Variants in PCYT1B observed in about 807,000 individuals in gnomAD.
The protein encoded by PCYT1B is choline-phosphate cytidylyltransferase B.
A neutral mutation model predicts 26.4 loss-of-function variants in PCYT1B; 10 were observed. The observed-to-expected ratio is 0.38, with a 90% CI of 0.23 to 0.64. PCYT1B has a LOEUF of 0.64. Ranked by LOEUF, PCYT1B falls within the 30% of genes least tolerant of loss-of-function variation. PCYT1B has a pLI of 0.56. For missense variants in PCYT1B, 161 were observed against 292.7 expected, an observed-to-expected ratio of 0.55 and a Z score of 3.28; for synonymous variants, 131 against 108.4, an observed-to-expected ratio of 1.21 and a Z score of -1.29.
chrX:24,658,506 CTTTTTT>C (rs1203809740), intron 1 of PCYT1B, among the ~76,000 whole-genome samples: 1 of 58,859 alleles, frequency 1.7e-5, no homozygotes, highest in African/African-American at 6.2e-5. Flanking sequence ...TGTTTCATTG[CTTTTTT>C]TTTTTTTTTT....
At chrX:24,615,981 A>T (rs1184623340) in intron 2 of PCYT1B, among the ~76,000 whole-genome samples, 2 of 111,516 alleles carry the variant, frequency 1.8e-5, no homozygotes, top group Non-Finnish European at 3.8e-5. Context: ...GTCAACTAGG[A>T]CACTTGACAA....
upstream of PCYT1B, among the ~76,000 whole-genome samples, chrX:24,651,468 AAAAAATATATATATATATATAT>A (rs1449802589): frequency 1.8e-4 from 6 of 33,927 alleles, no homozygotes; most frequent in African/African-American, 4.9e-4. Flanking sequence ...AAAAAAAAAA[AAAAAATATATATATATATATAT>A]ATATATATAT....
At chrX:24,634,702 C>A (rs563966108) in intron 1 of PCYT1B, among the ~76,000 whole-genome samples, 1 of 111,654 alleles carries the variant, frequency 9.0e-6, no homozygotes, top group Non-Finnish European at 1.9e-5. Flanking sequence ...GCCAAGATCA[C>A]GCCACCGCAC....
intron 2 of PCYT1B, among the ~76,000 whole-genome samples, chrX:24,611,804 T>G (rs900595552): frequency 5.4e-5 from 6 of 110,213 alleles, no homozygotes; most frequent in African/African-American, 1.7e-4. Flanking sequence ...AAACTCCGTA[T>G]CTACTAAAAA....
Position 24,642,056 on chromosome X carries a change from C to T in PCYT1B, c.117+4933G>A, listed in dbSNP as rs756935299. On this transcript the variant is annotated intron_variant, in intron 1 of 7. Coordinates refer to ENST00000379144, the MANE Select transcript of PCYT1B (RefSeq NM_004845.5). ...CTTCCCCTCAATGGATAAAAAATAG[C>T]TTTTAAGAAAGTCTAATATGTTAAA... Among the ~76,000 whole-genome samples the T allele has an allele frequency of 4.4e-5, 5 of 113,166 alleles. No homozygotes were observed. The East Asian group carries it at 1.1e-3, about 25-fold the overall frequency.
In PCYT1B at chrX:24,619,123, A is replaced by G. The variant is rs7060747; in HGVS notation, c.118-39T>C. The G allele has an allele frequency of 6.4e-4, 642 of 1,006,995 alleles. 1 individual carries two copies. In the African/African-American group the frequency reaches 9.9e-3, roughly 16 times the overall value. 83.0% of individuals were successfully genotyped at this position (1,006,995 alleles called of 1,213,427 possible). On this transcript the variant is annotated intron_variant, in intron 1 of 7. Transcript: ENST00000379144. ...AAAGAAAGGGAATACAGTCTGACAA[A>G]CTTTCCTTTGGCACTAACTTCCTCT...
chrX:24,660,073 A>G (rs1317880218), intron 1 of PCYT1B, among the ~76,000 whole-genome samples: 1 of 111,608 alleles, frequency 9.0e-6, no homozygotes, highest in Non-Finnish European at 1.9e-5. Flanking sequence ...CCTGCTCCCT[A>G]AAGATTCTGA....
intron 5 of PCYT1B, among the ~76,000 whole-genome samples, chrX:24,583,436 A>G (rs866340885): frequency 4.9e-4 from 55 of 111,971 alleles, no homozygotes; most frequent in African/African-American, 1.6e-3. Context: ...CCCAAGCAAG[A>G]ACTACCCAGC....
chrX:24,647,640 G>A (rs894727739), upstream of PCYT1B, among the ~76,000 whole-genome samples: 1 of 112,469 alleles, frequency 8.9e-6, no homozygotes, highest in Non-Finnish European at 1.9e-5. Flanking sequence ...AAAGGACCAT[G>A]TCCCTGGGAT....
chrX:24,589,868 C>T (rs1480330749), intron 4 of PCYT1B, among the ~76,000 whole-genome samples, 155 bp downstream of exon 4: 2 of 111,337 alleles, frequency 1.8e-5, no homozygotes, highest in Non-Finnish European at 3.8e-5. Context: ...CGGGCTTGGG[C>T]GGACGAAAGG....
intron 1 of PCYT1B, among the ~76,000 whole-genome samples, chrX:24,654,474 G>T (rs1446602263): frequency 9.7e-6 from 1 of 103,302 alleles, no homozygotes; most frequent in African/African-American, 3.5e-5. Context: ...TTTATGGCGG[G>T]GTGGCGTGAC....
At chrX:24,573,043 TAC>T (rs1315708625) in intron 7 of PCYT1B, among the ~76,000 whole-genome samples, 4 of 105,991 alleles carry the variant, frequency 3.8e-5, no homozygotes, top group Admixed American at 1.0e-4. Flanking sequence ...TATATACATA[TAC>T]ACACACATAT....
chrX:24,671,851 G>A (rs945968792), intron 1 of PCYT1B, among the ~76,000 whole-genome samples: 1 of 111,763 alleles, frequency 8.9e-6, no homozygotes, highest in Admixed American at 9.5e-5. Context: ...TACATTCTCC[G>A]GGCACCCTCT....
chrX:24,571,045 A>G (rs1288383468), intron 7 of PCYT1B, among the ~76,000 whole-genome samples: 1 of 112,338 alleles, frequency 8.9e-6, no homozygotes, highest in Admixed American at 9.4e-5. Context: ...GTTTCATCGT[A>G]TAATTTTGTA....
Position 24,647,137 on chromosome X carries a change from C to T in PCYT1B, c.-32G>A, listed in dbSNP as rs757148622. 5 of 1,199,379 alleles carry T rather than the reference C, an allele frequency of 4.2e-6. No individual in the cohort carries two copies. The highest frequency in any genetic ancestry group is 4.5e-6 in the Non-Finnish European group (4 of 889,569). The stretch of plus-strand genomic sequence containing the variant: ...TGAATGCTCCCTCTAGCTCTACACC[C>T]TCAGAGAGTCTCCTCCCAGGCAGAG... On this transcript the variant is annotated 5_prime_UTR_variant, in exon 1 of 8. Transcript: ENST00000379144.
intron 7 of PCYT1B, among the ~76,000 whole-genome samples, chrX:24,562,952 C>T (rs1233357966): frequency 2.7e-5 from 3 of 111,102 alleles, no homozygotes; most frequent in Non-Finnish European, 5.7e-5. Context: ...GTCTTGAACT[C>T]CTGACCTCAG....
intron 4 of PCYT1B, among the ~76,000 whole-genome samples, chrX:24,588,896 T>A (rs756956394): frequency 9.0e-6 from 1 of 110,746 alleles, no homozygotes; most frequent in Non-Finnish European, 1.9e-5. Context: ...TCAATAAATG[T>A]TTATTATTAT....
chrX:24,633,209 CAAAAAAA>C (rs1173874144), intron 1 of PCYT1B, among the ~76,000 whole-genome samples: 7 of 16,737 alleles, frequency 4.2e-4, no homozygotes, highest in Non-Finnish European at 9.5e-4. Context: ...GACTATGTCT[CAAAAAAA>C]AAAAAAAAAA....
intron 3 of PCYT1B, among the ~76,000 whole-genome samples, chrX:24,594,805 T>C (rs773765499): frequency 1.8e-5 from 2 of 111,447 alleles, no homozygotes; most frequent in Non-Finnish European, 3.8e-5. Context: ...TGGGAACTCA[T>C]GCTGCAACTA....
Sources: allele counts gnomAD v4.1 joint callset (sites outside exome capture counted in the v4.1 genomes callset), GRCh38; gene constraint gnomAD v4.1.1; transcripts MANE v1.5; gene names NCBI Gene and HGNC (gene_info 2026-07-23, HGNC 2026-07-21).